Variants in CENPI observed in about 807,000 individuals in gnomAD.
The protein encoded by CENPI is FSH primary response 1.
CENPI carries 4 observed loss-of-function variants against 60.4 expected under a neutral mutation model. The observed-to-expected ratio is 0.07, with a 90% CI of 0.03 to 0.15. The LOEUF is 0.15. Ranked by LOEUF, CENPI falls within the 10% of genes least tolerant of loss-of-function variation. The pLI is 1.00. For missense variants in CENPI, 444 were observed against 534.5 expected, an observed-to-expected ratio of 0.83 and a Z score of 1.67; for synonymous variants, 157 against 189.4, an observed-to-expected ratio of 0.83 and a Z score of 1.40.
At position 101,145,080 on chromosome X, in the gene CENPI, G is replaced by C. The variant is rs1009278859; in HGVS notation, c.1582G>C (p.Gly528Arg). 8.3e-7 allele frequency: 1 copy of C among 1,199,730 alleles called. No individual in the cohort carries two copies. The highest frequency in any genetic ancestry group is 1.8e-5 in the African/African-American group (1 of 57,067). Residue 528 changes from glycine (G) to arginine (R), a missense_variant, in exon 17 of 22, where the codon GGA (glycine) becomes CGA (arginine). By Grantham distance (125) the Gly-to-Arg change is moderately radical. Transcript: ENST00000682095. The part of the protein sequence containing the change: ...TNSPLETTLG[G>R]SMNSVSKLIH... ...TTATTGCAGAGAGACAACTTTGGGT[G>C]GATCCATGAACTCTGTGTCTAAACT...
chrX:101,118,239 A>G (rs753574626), intron 6 of CENPI, among the ~76,000 whole-genome samples: 1 of 111,503 alleles, frequency 9.0e-6, no homozygotes, highest in Non-Finnish European at 1.9e-5. Flanking sequence ...GTCTTTTTCT[A>G]TACAACGGTG....
intron 8 of CENPI, among the ~76,000 whole-genome samples, chrX:101,123,950 G>C (rs1165478426): frequency 6.3e-5 from 7 of 111,552 alleles, no homozygotes; most frequent in African/African-American, 2.3e-4. Context: ...TTGGAAACTT[G>C]TGTGTATGAG....
the CENPI span, among the ~76,000 whole-genome samples, chrX:101,180,735 T>C: frequency 9.0e-6 from 1 of 111,681 alleles, no homozygotes. Context: ...TTATCTCTTA[T>C]ATTTAGGTAT....
At chrX:101,177,431 T>G in the CENPI span, among the ~76,000 whole-genome samples, 1 of 111,299 alleles carries the variant, frequency 9.0e-6, no homozygotes. Flanking sequence ...CTGGGCAGCC[T>G]CTAGGCCCTT....
At chrX:101,130,182 C>T (rs2089781274) in intron 13 of CENPI, 109 bp downstream of exon 13, 2 of 525,164 alleles carry the variant, frequency 3.8e-6, no homozygotes, top group Non-Finnish European at 6.3e-6. Context: ...CACCTGTAAT[C>T]TCAGCACTTT....
At chrX:101,144,309 C>G (rs1383675723) in intron 16 of CENPI, among the ~76,000 whole-genome samples, 4 of 108,547 alleles carry the variant, frequency 3.7e-5, no homozygotes, top group African/African-American at 1.3e-4. Context: ...TCTCGAACTC[C>G]TGACCTCAAG....
chrX:101,173,824 A>C, the CENPI span, among the ~76,000 whole-genome samples: 1 of 111,356 alleles, frequency 9.0e-6, no homozygotes, highest in Non-Finnish European at 1.9e-5. Context: ...ATCAAAAAAA[A>C]ACCTGGACCA....
chrX:101,144,571 C>T (rs186650087), intron 16 of CENPI, among the ~76,000 whole-genome samples: 353 of 108,930 alleles, frequency 3.2e-3, no homozygotes, highest in Middle Eastern at 4.7e-3. Flanking sequence ...TTTGTAAAGA[C>T]GGGCTTTTGC....
downstream of CENPI, among the ~76,000 whole-genome samples, chrX:101,170,255 A>G (rs1399266099): frequency 1.8e-5 from 2 of 112,292 alleles, no homozygotes; most frequent in Non-Finnish European, 3.8e-5. Context: ...AGTTGCCTAC[A>G]GTATTCTATT....
At chrX:101,106,166 G>T (rs2144767) in intron 4 of CENPI, among the ~76,000 whole-genome samples, 1 of 110,746 alleles carries the variant, frequency 9.0e-6, no homozygotes, top group African/African-American at 3.3e-5. Flanking sequence ...CACATGTAAT[G>T]TGTTGGTGGT....
intron 2 of CENPI, chrX:101,100,699 A>G (rs1310892034): frequency 1.4e-5 from 2 of 139,665 alleles, no homozygotes; most frequent in Non-Finnish European, 2.8e-5. Flanking sequence ...CTGGGATTAC[A>G]GGTGTGAGCC....
intron 10 of CENPI, 60 bp from the exon 11 acceptor site, chrX:101,127,438 A>G (rs1426611635): frequency 1.6e-5 from 16 of 1,018,170 alleles, no homozygotes; most frequent in Non-Finnish European, 2.1e-5. Context: ...AGTTGCTTTT[A>G]TATTTGTGGT....
chrX:101,176,518 G>T, the CENPI span, among the ~76,000 whole-genome samples: 1 of 111,522 alleles, frequency 9.0e-6, no homozygotes, highest in Non-Finnish European at 1.9e-5. Flanking sequence ...ATTCCCTGAT[G>T]ATTAGTGATC....
intron 4 of CENPI, among the ~76,000 whole-genome samples, chrX:101,104,572 A>C (rs2089461252): frequency 8.9e-6 from 1 of 111,757 alleles, no homozygotes; most frequent in African/African-American, 3.2e-5. Context: ...ACTTAAAAAA[A>C]AGTTAAGGCT....
intron 12 of CENPI, among the ~76,000 whole-genome samples, chrX:101,129,395 C>A (rs776955079): frequency 9.2e-6 from 1 of 108,534 alleles, no homozygotes; most frequent in Non-Finnish European, 1.9e-5. Flanking sequence ...TGGTGGGGGT[C>A]GGTGGGGAGG....
the CENPI span, among the ~76,000 whole-genome samples, chrX:101,174,511 C>T: frequency 3.6e-5 from 4 of 111,414 alleles, no homozygotes; most frequent in South Asian, 1.5e-3. Flanking sequence ...ATTTCCTTTG[C>T]AGCAACATAG....
rs1398129192 is a variant in CENPI at position 101,102,396 on chromosome X, C to T, written c.349C>T (p.Leu117Phe). Residue 117 changes from leucine to phenylalanine, a missense_variant, in exon 4 of 22, where the codon CTC becomes TTC. Leu to Phe is a conservative substitution (Grantham distance 22). Coordinates refer to ENST00000682095, the MANE Select transcript of CENPI (RefSeq NM_001386188.2). The part of the protein sequence containing the change: ...EEIDILLNIA[L>F]SGKFGNAVNT... ...AATTGATATTCTATTAAATATTGCA[C>T]TCAGTGGCAAATTTGGTATGTTGAG... 8.5e-7 allele frequency: 1 copy of T among 1,177,476 alleles called. No homozygotes were observed. The highest frequency in any genetic ancestry group is 1.9e-5 in the South Asian group (1 of 51,878).
intron 6 of CENPI, among the ~76,000 whole-genome samples, chrX:101,115,963 C>T (rs2148162810): frequency 9.0e-6 from 1 of 111,415 alleles, no homozygotes; most frequent in Admixed American, 9.6e-5. Flanking sequence ...AAGGTTCATC[C>T]ATTTGTACCA....
At chrX:101,118,487 C>T (rs945484050) in intron 6 of CENPI, among the ~76,000 whole-genome samples, 3 of 112,142 alleles carry the variant, frequency 2.7e-5, no homozygotes, top group African/African-American at 3.2e-5. Flanking sequence ...TAAGAAGAGA[C>T]GCTTTCTGCT....
Sources: gnomAD v4.1 joint callset for allele counts (sites outside exome capture counted in the v4.1 genomes callset) on GRCh38, gnomAD v4.1.1 for gene constraint, MANE v1.5 for transcripts, NCBI Gene and HGNC (gene_info 2026-07-23, HGNC 2026-07-21) for gene names.